Variants in SORBS2 observed in about 807,000 individuals in gnomAD.
The protein encoded by SORBS2 is sorbin and SH3 domain-containing protein 2.
In SORBS2, 46 loss-of-function variants were observed where a neutral mutation model predicts 97.7. The observed-to-expected ratio is 0.47, with a 90% CI of 0.37 to 0.60. The LOEUF (loss-of-function observed/expected upper bound fraction) is 0.60, where lower values mean the gene tolerates loss of function less well. Among genes scored for constraint, SORBS2 ranks in the 20% least tolerant of loss-of-function variants. SORBS2 has a pLI of 0.00. For synonymous variants in SORBS2, 476 were observed against 473.4 expected, an observed-to-expected ratio of 1.01 and a Z score of -0.07; for missense variants, 1,316 against 1,282.3, an observed-to-expected ratio of 1.03 and a Z score of -0.40.
rs1323173631 is a variant in SORBS2, at chr4:185,623,930, C to T, written c.1199G>A (p.Cys400Tyr). Residue 400 changes from cysteine (C) to tyrosine (Y), a missense_variant, in exon 7 of 15, where the codon TGC (cysteine) becomes TAC (tyrosine). Coordinates refer to ENST00000418609, the Ensembl canonical transcript of SORBS2. The surrounding 1 kb of genome is among the most constrained non-coding windows in gnomAD (Gnocchi z 6.4). ...GTCCCGGGGCACCTCCTCCGTGGAGCACTGGCTCCAGGCGCGCAGCAGGTC... is the reference window on the plus strand; with the variant it reads ...GTCCCGGGGCACCTCCTCCGTGGAGTACTGGCTCCAGGCGCGCAGCAGGTC... 1 of 1,614,230 alleles carries T rather than the reference C, an allele frequency of 6.2e-7. No individual in the cohort carries two copies. Among genetic ancestry groups the T allele is most frequent in the Non-Finnish European group, 8.5e-7 (1 of 1,180,046 alleles).
At chr4:185,913,904 G>A (rs1368919605) in intron 1 of SORBS2, among the ~76,000 whole-genome samples, 3 of 152,216 alleles carry the variant, frequency 2.0e-5, no homozygotes, top group African/African-American at 7.2e-5. Flanking sequence ...ATCCCCATGT[G>A]GGACATGGTT....
chr4:185,858,097 C>T (rs1180168086), intron 1 of SORBS2, among the ~76,000 whole-genome samples: 4 of 152,178 alleles, frequency 2.6e-5, no homozygotes, highest in South Asian at 2.1e-4. Flanking sequence ...CCATCACGGT[C>T]CTATCAATAT....
At chr4:185,879,706 G>T (rs1329203521) in intron 1 of SORBS2, among the ~76,000 whole-genome samples, 2 of 152,026 alleles carry the variant, frequency 1.3e-5, no homozygotes, top group African/African-American at 4.8e-5. Context: ...TTTAATGATC[G>T]CCATTCTAAC....
intron 1 of SORBS2, among the ~76,000 whole-genome samples, chr4:185,886,079 A>ATC (rs2099239271): frequency 6.6e-6 from 1 of 152,248 alleles, no homozygotes; most frequent in Non-Finnish European, 1.5e-5. Flanking sequence ...GATGTGTTAC[A>ATC]GGTGAACATA....
intron 1 of SORBS2, among the ~76,000 whole-genome samples, chr4:185,897,209 G>A (rs914913493): frequency 6.6e-6 from 1 of 152,100 alleles, no homozygotes; most frequent in East Asian, 1.9e-4. Context: ...TCTAACTTTC[G>A]CTCCGCCTTT....
chr4:185,721,129 C>T (rs1289599917), intron 2 of SORBS2, among the ~76,000 whole-genome samples: 1 of 135,638 alleles, frequency 7.4e-6, no homozygotes, highest in Non-Finnish European at 1.5e-5. Context: ...CACTCTGTCG[C>T]CCTGGCTGTG....
upstream of SORBS2, chr4:185,657,140 A>G: frequency 3.3e-6 from 1 of 304,542 alleles, no homozygotes; most frequent in Non-Finnish European, 5.7e-6. Flanking sequence ...GTAAAAGAAA[A>G]ACAAACAAAC....
At chr4:185,637,706 A>G (rs3816807) in intron 4 of SORBS2, among the ~76,000 whole-genome samples, 79,871 of 151,742 alleles carry the variant, frequency 0.53, 22,654 homozygotes, top group South Asian at 0.67. Flanking sequence ...TGCTCAGCAA[A>G]CAGGACTCAA....
intron 1 of SORBS2, among the ~76,000 whole-genome samples, chr4:185,911,384 T>C (rs558058728): frequency 2.3e-4 from 35 of 152,234 alleles, no homozygotes; most frequent in Non-Finnish European, 4.4e-4. Flanking sequence ...TGCACCACCA[T>C]GCCTGGCTAA....
chr4:185,921,210 T>A (rs1484256011), intron 1 of SORBS2, among the ~76,000 whole-genome samples: 1 of 152,238 alleles, frequency 6.6e-6, no homozygotes. Context: ...CGCTTTAATC[T>A]TTTCCTTGGC....
In SORBS2 at chr4:185,614,902, C is replaced by T. The variant is rs760475053; in HGVS notation, c.2524G>A (p.Gly842Arg). 17 of 1,614,136 alleles carry T rather than the reference C, an allele frequency of 1.1e-5. No individual in the cohort carries two copies. Among genetic ancestry groups the T allele is most frequent in the East Asian group, 6.7e-5 (3 of 44,884 alleles). Residue 842 changes from glycine to arginine, a missense_variant, in exon 11 of 15, where the codon GGA becomes AGA. Physicochemically the swap from Gly to Arg is moderately radical, Grantham distance 125. Transcript: ENST00000418609. ...TTGGCTATAGCTTCTCCGATTTCTC[C>T]GGGCTGGGCTGGCGGAGGTGGTCTT...
At chr4:185,701,366 C>G (rs2153532630) in intron 2 of SORBS2, among the ~76,000 whole-genome samples, 1 of 152,298 alleles carries the variant, frequency 6.6e-6, no homozygotes, top group East Asian at 1.9e-4. Flanking sequence ...TCGACTCTAC[C>G]CTGGGACTCA....
At chr4:185,677,407 T>C (rs1208444207) in intron 4 of SORBS2, 2 of 1,552,210 alleles carry the variant, frequency 1.3e-6, no homozygotes, top group Non-Finnish European at 1.7e-6. Context: ...AGTGGATTAG[T>C]GATTTTTTGT....
At chr4:185,883,194 T>C (rs34457125) in intron 1 of SORBS2, among the ~76,000 whole-genome samples, 32,800 of 152,034 alleles carry the variant, frequency 0.22, 4,075 homozygotes, top group East Asian at 0.54. Flanking sequence ...AAAAGAACTT[T>C]TAAATGCATT....
chr4:185,753,708 C>T (rs1194399627), intron 2 of SORBS2, among the ~76,000 whole-genome samples: 1 of 152,132 alleles, frequency 6.6e-6, no homozygotes, highest in Non-Finnish European at 1.5e-5. Context: ...AATTTAAATG[C>T]TTTTAAATGG....
At chr4:185,928,224 A>G (rs2099264678) in intron 1 of SORBS2, among the ~76,000 whole-genome samples, 1 of 152,104 alleles carries the variant, frequency 6.6e-6, no homozygotes, top group South Asian at 2.1e-4. Flanking sequence ...TGGGCAACAT[A>G]GAGAGATCCT....
chr4:185,628,575 G>A (rs557187898), intron 5 of SORBS2, among the ~76,000 whole-genome samples: 12 of 152,272 alleles, frequency 7.9e-5, no homozygotes, highest in Admixed American at 2.6e-4. Context: ...AACCTAGTGA[G>A]ACTCTGTCTC....
chr4:185,916,379 T>C (rs1299435136), intron 1 of SORBS2, among the ~76,000 whole-genome samples: 2 of 152,236 alleles, frequency 1.3e-5, no homozygotes, highest in Non-Finnish European at 2.9e-5. Flanking sequence ...GCAGAGTTAT[T>C]CTGGACATGT....
At chr4:185,694,744 C>T (rs6851734) in intron 2 of SORBS2, among the ~76,000 whole-genome samples, 130,602 of 142,126 alleles carry the variant, frequency 0.92, 60,072 homozygotes, top group African/African-American at 0.95. Context: ...TCTCACTCTG[C>T]CGCCCAGGCT....
Sources: gnomAD v4.1 joint callset for allele counts (sites outside exome capture counted in the v4.1 genomes callset) on GRCh38, gnomAD v4.1.1 for gene constraint, Gnocchi (gnomAD v3.1) non-coding constraint, MANE v1.5 for transcripts, NCBI Gene and HGNC (gene_info 2026-07-23, HGNC 2026-07-21) for gene names.